The following CYP24A1 variants were observed in gnomAD, a reference collection of about 807,000 sequenced individuals.
CYP24A1 encodes the protein cytochrome P450 family 24 subfamily A member 1, also known as 1,25-dihydroxyvitamin D(3) 24-hydroxylase, mitochondrial.
In CYP24A1, 68 loss-of-function variants were observed where a neutral mutation model predicts 62.4. That is an observed-to-expected ratio of 1.09 (90% CI 0.90 to 1.33). The LOEUF is 1.33. Ranked by LOEUF, CYP24A1 falls within the 40% of genes most tolerant of loss-of-function variation. The probability of loss-of-function intolerance (pLI) is 0.00; values close to 1 mark genes in which losing one functional copy is unlikely to be tolerated. For missense variants in CYP24A1, 787 were observed against 653.0 expected, an observed-to-expected ratio of 1.21 and a Z score of -2.24; for synonymous variants, 267 against 253.0, an observed-to-expected ratio of 1.06 and a Z score of -0.52.
chr20:54,143,898 G>T, the CYP24A1 span, among the ~76,000 whole-genome samples: 29 of 152,042 alleles, frequency 1.9e-4, 1 homozygote, highest in Non-Finnish European at 3.5e-4. Context: ...AATCGTAAGT[G>T]AATACAGTTA....
the CYP24A1 span, among the ~76,000 whole-genome samples, chr20:54,144,115 G>T: frequency 6.6e-6 from 1 of 152,192 alleles, no homozygotes; most frequent in East Asian, 1.9e-4. Flanking sequence ...GTCACATGGC[G>T]GCCCCATGCT....
At chr20:54,148,369 G>GACACACACACACACACAC in the CYP24A1 span, among the ~76,000 whole-genome samples, 99 of 133,456 alleles carry the variant, frequency 7.4e-4, 2 homozygotes, top group Non-Finnish European at 1.0e-3. Flanking sequence ...CAGACACACA[G>GACACACACACACACACAC]ACACACACAC....
chr20:54,159,847 C>T (rs183130107), intron 7 of CYP24A1, among the ~76,000 whole-genome samples: 12 of 152,202 alleles, frequency 7.9e-5, no homozygotes, highest in African/African-American at 4.8e-5. Context: ...AACTGGGTAA[C>T]GGATGCAAGG....
intron 2 of CYP24A1, 145 bp downstream of exon 2, chr20:54,172,764 T>C (rs2092698208): frequency 3.9e-6 from 6 of 1,521,386 alleles, no homozygotes; most frequent in Non-Finnish European, 5.3e-6. Context: ...AGGGTTGCGA[T>C]GGCACGGGAG....
chr20:54,147,843 T>C, the CYP24A1 span, among the ~76,000 whole-genome samples: 1 of 152,310 alleles, frequency 6.6e-6, no homozygotes, highest in Non-Finnish European at 1.5e-5. Flanking sequence ...CAGTTCTTTT[T>C]TTTTTCTTGA....
chr20:54,172,582 T>C (rs45453297), intron 2 of CYP24A1, among the ~76,000 whole-genome samples: 2,459 of 152,342 alleles, frequency 0.016, 28 homozygotes, highest in Middle Eastern at 0.034. Flanking sequence ...CCTGGTACGC[T>C]GACTTCAGAA....
At chr20:54,159,743 T>C (rs994986081) in intron 7 of CYP24A1, among the ~76,000 whole-genome samples, 2 of 152,122 alleles carry the variant, frequency 1.3e-5, no homozygotes, top group Non-Finnish European at 2.9e-5. Context: ...ACATGTAAAA[T>C]TGGTGAAATG....
the CYP24A1 span, among the ~76,000 whole-genome samples, chr20:54,147,264 A>G: frequency 6.6e-6 from 1 of 152,226 alleles, no homozygotes; most frequent in Admixed American, 6.5e-5. Flanking sequence ...GGACTAAAAT[A>G]CTCAAAATAG....
intron 4 of CYP24A1, among the ~76,000 whole-genome samples, chr20:54,166,825 A>G (rs983264962): frequency 2.0e-5 from 3 of 152,104 alleles, no homozygotes; most frequent in Non-Finnish European, 2.9e-5. Context: ...TGAGCCCAGG[A>G]GTTCGAGAAT....
intron 4 of CYP24A1, among the ~76,000 whole-genome samples, chr20:54,167,452 T>A (rs117884212): frequency 6.6e-6 from 1 of 152,128 alleles, no homozygotes; most frequent in Non-Finnish European, 1.5e-5. Context: ...GACCAACCGG[T>A]GGCAAAACCC....
rs747328734 is a variant in CYP24A1 at position 54,173,558 on chromosome 20, T to C, written c.22A>G (p.Ser8Gly). The C allele has an allele frequency of 2.7e-5, 43 of 1,581,378 alleles. No homozygotes were observed. In the South Asian group the frequency reaches 4.0e-4, roughly 15 times the overall value. Residue 8 changes from serine to glycine, a missense_variant, in exon 1 of 12, where the codon AGC becomes GGC. By Grantham distance (56) the Ser-to-Gly change is moderately conservative (BLOSUM62 0). Coordinates refer to ENST00000216862, the MANE Select transcript of CYP24A1 (RefSeq NM_000782.5). The surrounding 1 kb of genome is among the most constrained non-coding windows in gnomAD (Gnocchi z 7.2). The stretch of plus-strand genomic sequence containing the variant: ...TGCAGGAAGGCGGCAAGCGAGCGGC[T>C]CTTGCTGATGGGGGAGCTCATGGCA... MSSPISK[S>G]RSLAAFLQQL... is the part of the protein sequence containing the mutation.
chr20:54,166,443 G>T (rs574985623), intron 4 of CYP24A1, among the ~76,000 whole-genome samples: 27 of 152,130 alleles, frequency 1.8e-4, no homozygotes, highest in African/African-American at 6.3e-4. Flanking sequence ...TGAATCCCCC[G>T]AACTCATCAA....
chr20:54,147,233 G>C, the CYP24A1 span, among the ~76,000 whole-genome samples: 1 of 152,220 alleles, frequency 6.6e-6, no homozygotes, highest in Non-Finnish European at 1.5e-5. Flanking sequence ...GGGAGAAATT[G>C]TTGGGACAGG....
chr20:54,147,912 C>T, the CYP24A1 span, among the ~76,000 whole-genome samples: 13,868 of 152,116 alleles, frequency 0.091, 931 homozygotes, highest in East Asian at 0.28. Context: ...TGGCTCACTG[C>T]AACCTCTGAC....
At chr20:54,147,313 T>C in the CYP24A1 span, among the ~76,000 whole-genome samples, 1 of 152,228 alleles carries the variant, frequency 6.6e-6, no homozygotes, top group African/African-American at 2.4e-5. Flanking sequence ...ATTTCAGCTT[T>C]TTAGAGAAAT....
At chr20:54,158,375 A>G (rs919891386) in intron 8 of CYP24A1, among the ~76,000 whole-genome samples, 1 of 152,208 alleles carries the variant, frequency 6.6e-6, no homozygotes, top group Non-Finnish European at 1.5e-5. Flanking sequence ...TTAAAACCCC[A>G]GTGCAAGGCT....
chr20:54,155,273 C>A (rs750366728), intron 11 of CYP24A1, among the ~76,000 whole-genome samples: 9 of 152,098 alleles, frequency 5.9e-5, no homozygotes, highest in Non-Finnish European at 1.3e-4. Flanking sequence ...TCTGTAATTG[C>A]ATGTTTCTCT....
chr20:54,147,686 C>G, the CYP24A1 span, among the ~76,000 whole-genome samples: 2 of 152,230 alleles, frequency 1.3e-5, no homozygotes, highest in East Asian at 3.8e-4. Context: ...TCCATTGATT[C>G]TCTCAACAAC....
intron 11 of CYP24A1, 143 bp downstream of exon 11, chr20:54,157,022 TAGAG>T (rs1340267774): frequency 1.6e-6 from 1 of 611,266 alleles, no homozygotes; most frequent in Non-Finnish European, 2.9e-6. Flanking sequence ...AAAAAGGAAG[TAGAG>T]AGTTTAGGGA....
Sources: allele counts gnomAD v4.1 joint callset (sites outside exome capture counted in the v4.1 genomes callset), GRCh38; gene constraint gnomAD v4.1.1; non-coding constraint Gnocchi (gnomAD v3.1); transcripts MANE v1.5; gene names NCBI Gene and HGNC (gene_info 2026-07-23, HGNC 2026-07-21).